NAV2: variants seen among roughly 807,000 people sequenced by gnomAD.
The protein encoded by NAV2 is neuron navigator 2, also known as helicase, APC down-regulated 1.
A neutral mutation model predicts 223.2 loss-of-function variants in NAV2; 54 were observed. The observed-to-expected ratio is 0.24, with a 90% confidence interval of 0.19 to 0.30. The LOEUF is 0.30. Among genes scored for constraint, NAV2 ranks in the 10% least tolerant of loss-of-function variants. NAV2 has a pLI of 1.00. For missense variants in NAV2, 2,806 were observed against 3,147.5 expected, an observed-to-expected ratio of 0.89 and a Z score of 2.60; for synonymous variants, 1,279 against 1,239.3, an observed-to-expected ratio of 1.03 and a Z score of -0.67.
chr11:19,385,903 AG>A (rs1474864439), intron 1 of NAV2, among the ~76,000 whole-genome samples: 1 of 151,850 alleles, frequency 6.6e-6, no homozygotes, highest in Non-Finnish European at 1.5e-5. Context: ...CTGGGACTAC[AG>A]GCGCCCGCCA....
chr11:19,540,562 A>G (rs2044311854), intron 1 of NAV2, among the ~76,000 whole-genome samples: 1 of 151,590 alleles, frequency 6.6e-6, no homozygotes, highest in African/African-American at 2.4e-5. Context: ...TAACCCTCCA[A>G]CCCTCCCCAT....
At chr11:19,876,746 T>A (rs894702943) in intron 4 of NAV2, among the ~76,000 whole-genome samples, 17 of 152,146 alleles carry the variant, frequency 1.1e-4, no homozygotes, top group African/African-American at 3.1e-4. Flanking sequence ...TTACAGTGGA[T>A]GACCCCTGAT....
At chr11:20,053,878 G>C (rs775950961) in intron 17 of NAV2, among the ~76,000 whole-genome samples, 2 of 152,126 alleles carry the variant, frequency 1.3e-5, no homozygotes, top group Non-Finnish European at 2.9e-5. Flanking sequence ...CTGAAAGGGA[G>C]TAGTCATTTT....
At chr11:20,019,894 T>G (rs2054344485) in intron 11 of NAV2, among the ~76,000 whole-genome samples, 1 of 150,188 alleles carries the variant, frequency 6.7e-6, no homozygotes, top group Non-Finnish European at 1.5e-5. Flanking sequence ...CTCAGTGGAG[T>G]AGTGGGAACA....
intron 1 of NAV2, among the ~76,000 whole-genome samples, chr11:19,531,480 A>C (rs1156537944): frequency 1.3e-5 from 2 of 152,210 alleles, no homozygotes; most frequent in African/African-American, 4.8e-5. Flanking sequence ...GATTGGTAGG[A>C]AATGATTGGA....
At chr11:19,809,640 C>A (rs577165821) in intron 1 of NAV2, among the ~76,000 whole-genome samples, 10 of 152,306 alleles carry the variant, frequency 6.6e-5, no homozygotes, top group Admixed American at 4.6e-4. Flanking sequence ...GTTTCAGGAT[C>A]CCATCCAGGA....
At position 20,003,509 on chromosome 11, in the gene NAV2, A is replaced by G. The variant is rs149079702; in HGVS notation, c.2768+19262A>G. ...TTATCTGAAATGATTATACTGAGCG[A>G]CTCCCAGGGGTAAATGACTCAGCGT... On this transcript the variant is annotated intron_variant, in intron 11 of 37. Transcript: ENST00000349880. 2.3e-3 allele frequency among the ~76,000 whole-genome samples: 354 copies of G among 151,852 alleles called. 2 individuals are homozygous for G. The highest frequency in any genetic ancestry group is 8.0e-3 in the African/African-American group (333 of 41,378).
intron 19 of NAV2, among the ~76,000 whole-genome samples, chr11:20,059,272 C>G (rs899385743): frequency 2.0e-5 from 3 of 152,190 alleles, no homozygotes; most frequent in Non-Finnish European, 2.9e-5. Context: ...TCCACATTCT[C>G]TTTCTGCTCC....
chr11:19,807,000 C>T (rs1266070904), intron 1 of NAV2, among the ~76,000 whole-genome samples: 2 of 152,178 alleles, frequency 1.3e-5, no homozygotes, highest in African/African-American at 4.8e-5. Flanking sequence ...ATATGAGGCC[C>T]AGGCATCTGT....
At chr11:19,974,154 C>G (rs2049494684) in intron 10 of NAV2, among the ~76,000 whole-genome samples, 1 of 152,176 alleles carries the variant, frequency 6.6e-6, no homozygotes, top group African/African-American at 2.4e-5. Flanking sequence ...TCAACTAATT[C>G]TTAGGGAAAC....
chr11:19,761,664 G>A (rs1322371134), intron 1 of NAV2, among the ~76,000 whole-genome samples: 1 of 152,190 alleles, frequency 6.6e-6, no homozygotes, highest in Non-Finnish European at 1.5e-5. Flanking sequence ...CCCCAACTGC[G>A]ATGTCCACTG....
At chr11:19,884,869 G>A (rs1033015491) in intron 5 of NAV2, among the ~76,000 whole-genome samples, 1 of 152,062 alleles carries the variant, frequency 6.6e-6, no homozygotes, top group Non-Finnish European at 1.5e-5. Context: ...AATCCATATT[G>A]GGCAGAGGAG....
intron 1 of NAV2, among the ~76,000 whole-genome samples, chr11:19,602,378 ATGT>A (rs1344834770): frequency 1.3e-5 from 2 of 151,748 alleles, no homozygotes; most frequent in East Asian, 1.9e-4. Context: ...GGGTTTCACT[ATGT>A]TGGCCAGGCT....
intron 11 of NAV2, among the ~76,000 whole-genome samples, chr11:20,020,040 T>C (rs2153530287): frequency 6.6e-6 from 1 of 151,720 alleles, no homozygotes; most frequent in African/African-American, 2.4e-5. Context: ...ATTAGTGATA[T>C]ATTTTTCAGC....
intron 1 of NAV2, among the ~76,000 whole-genome samples, chr11:19,357,524 A>G (rs1853687255): frequency 6.6e-6 from 1 of 152,204 alleles, no homozygotes; most frequent in South Asian, 2.1e-4. Flanking sequence ...AATGATATCT[A>G]TTATAATTCT....
At chr11:19,937,378 A>G (rs2046002098) in intron 7 of NAV2, among the ~76,000 whole-genome samples, 1 of 135,524 alleles carries the variant, frequency 7.4e-6, no homozygotes. Flanking sequence ...AAACCTCTCC[A>G]TGTTAAAGTT....
intron 2 of NAV2, among the ~76,000 whole-genome samples, chr11:19,836,004 T>A (rs1050265743): frequency 1.3e-5 from 2 of 152,158 alleles, no homozygotes; most frequent in Non-Finnish European, 2.9e-5. Context: ...TGGGTCTTAG[T>A]TGTCTTCCTT....
At chr11:20,074,936 T>C (rs1357331899) in intron 22 of NAV2, among the ~76,000 whole-genome samples, 4 of 152,112 alleles carry the variant, frequency 2.6e-5, no homozygotes, top group Non-Finnish European at 5.9e-5. Flanking sequence ...TTTAGCCTGT[T>C]TACAATAGGA....
intron 1 of NAV2, among the ~76,000 whole-genome samples, chr11:19,452,107 AGTGTGTGTGTGT>A (rs60628637): frequency 0.035 from 5,133 of 146,712 alleles, 265 homozygotes; most frequent in African/African-American, 0.11. Flanking sequence ...AGGTTACAAA[AGTGTGTGTGTGT>A]GTGTGTGTGT....
Sources: gnomAD v4.1 joint callset for allele counts (sites outside exome capture counted in the v4.1 genomes callset) on GRCh38, gnomAD v4.1.1 for gene constraint, MANE v1.5 for transcripts, NCBI Gene and HGNC (gene_info 2026-07-23, HGNC 2026-07-21) for gene names.